The following CRYZL1 variants were observed in gnomAD, a reference collection of about 807,000 sequenced individuals.
CRYZL1 encodes crystallin zeta like 1.
CRYZL1 carries 34 observed loss-of-function variants against 50.6 expected under a neutral mutation model. The ratio of observed to expected loss-of-function variants is 0.67; its 90% CI spans 0.51 to 0.89. The LOEUF (loss-of-function observed/expected upper bound fraction) is 0.89. CRYZL1 is among the 40% of genes least tolerant of loss of function. CRYZL1 has a pLI of 0.00. For missense variants in CRYZL1, 354 were observed against 402.3 expected, an observed-to-expected ratio of 0.88 and a Z score of 1.03; for synonymous variants, 125 against 134.3, an observed-to-expected ratio of 0.93 and a Z score of 0.48.
chr21:33,611,861 C>A (rs1021027199), intron 6 of CRYZL1, among the ~76,000 whole-genome samples: 3 of 152,152 alleles, frequency 2.0e-5, no homozygotes, highest in Non-Finnish European at 4.4e-5. Context: ...TAATTTTGTA[C>A]ATTTTTGAAC....
rs1386298237 is a variant in CRYZL1, at chr21:33,603,376, G to A, written c.465+28C>T. 8.1e-6 allele frequency: 13 copies of A among 1,610,654 alleles called. No individual in the cohort carries two copies. In the East Asian group the frequency reaches 2.9e-4, roughly 36 times the overall value. On this transcript the variant is annotated intron_variant, in intron 7 of 12. Transcript: ENST00000381554. ...TCCTAAGTTTACTGTATGCTTGTCT[G>A]TTTCTTAACAAAACCATTAGCACCT...
chr21:33,614,580 CT>C (rs542483764), intron 5 of CRYZL1, among the ~76,000 whole-genome samples: 1 of 151,668 alleles, frequency 6.6e-6, no homozygotes, highest in Non-Finnish European at 1.5e-5. Flanking sequence ...TGTTTCAATT[CT>C]TTTTTTTTGA....
At chr21:33,616,084 C>CG (rs1013549987) in intron 5 of CRYZL1, among the ~76,000 whole-genome samples, 1 of 151,930 alleles carries the variant, frequency 6.6e-6, no homozygotes, top group African/African-American at 2.4e-5. Flanking sequence ...CTCCCCCCCC[C>CG]AACCCCACCA....
At chr21:33,625,153 T>G (rs2087046013) in intron 2 of CRYZL1, among the ~76,000 whole-genome samples, 1 of 151,968 alleles carries the variant, frequency 6.6e-6, no homozygotes, top group African/African-American at 2.4e-5. Context: ...GTATAACCTT[T>G]ACTGATTTTT....
chr21:33,630,589 T>TAA (rs533376675), intron 2 of CRYZL1, among the ~76,000 whole-genome samples: 1 of 134,402 alleles, frequency 7.4e-6, no homozygotes. Context: ...CTGTCGCAAT[T>TAA]AAAAAAAAAA....
At chr21:33,593,982 CAAAAAAAA>C (rs1167158360) in intron 11 of CRYZL1, among the ~76,000 whole-genome samples, 2 of 48,906 alleles carry the variant, frequency 4.1e-5, no homozygotes, top group South Asian at 1.1e-3. Context: ...GACTCTGTCT[CAAAAAAAA>C]AAAAAAAAAA....
Position 33,597,393 on chromosome 21 carries a change from A to G in CRYZL1, c.685T>C (p.Tyr229His). Reference sequence around the variant, plus strand: ...ACAGCTGGTTCATCATCTTTACTATATAATCTCACTTGCAAGGGAATAGTT... The same window carrying G: ...ACAGCTGGTTCATCATCTTTACTATGTAATCTCACTTGCAAGGGAATAGTT... ...DIVLDAGVRL[Y>H]SKDDEPAVKL... The change falls in exon 10 of 13, where the codon TAT becomes CAT. Residue 229 changes from tyrosine (Y) to histidine (H), a missense_variant. Tyr to His is a moderately conservative substitution (Grantham distance 83). Coordinates refer to ENST00000381554, the MANE Select transcript of CRYZL1 (RefSeq NM_145858.3). 1 of 1,578,210 alleles carries G rather than the reference A, an allele frequency of 6.3e-7. No homozygotes were observed. Among genetic ancestry groups the G allele is most frequent in the Non-Finnish European group, 8.7e-7 (1 of 1,147,840 alleles).
intron 1 of CRYZL1, among the ~76,000 whole-genome samples, chr21:33,636,953 C>A (rs2145966156): frequency 6.6e-6 from 1 of 152,268 alleles, no homozygotes; most frequent in South Asian, 2.1e-4. Flanking sequence ...ACTACAGGCG[C>A]CCGCCACTGC....
At chr21:33,640,941 T>C (rs2087298410) in intron 1 of CRYZL1, among the ~76,000 whole-genome samples, 1 of 152,260 alleles carries the variant, frequency 6.6e-6, no homozygotes, top group African/African-American at 2.4e-5. Flanking sequence ...AATGATAATG[T>C]CTCAGATATA....
intron 1 of CRYZL1, among the ~76,000 whole-genome samples, chr21:33,636,010 CA>C: frequency 6.6e-6 from 1 of 151,936 alleles, no homozygotes; most frequent in East Asian, 1.9e-4. Context: ...ATAAATAAAA[CA>C]AAATATATAA....
At chr21:33,637,302 G>A (rs566643040) in intron 1 of CRYZL1, among the ~76,000 whole-genome samples, 8 of 151,930 alleles carry the variant, frequency 5.3e-5, no homozygotes, top group East Asian at 2.0e-4. Flanking sequence ...AAAATTAGCC[G>A]GGCGTGGTGG....
At chr21:33,613,660 TGA>T (rs1231281408) in intron 5 of CRYZL1, 54 bp from the exon 6 acceptor site, 1 of 1,211,364 alleles carries the variant, frequency 8.3e-7, no homozygotes, top group Admixed American at 1.7e-5. Context: ...TCATTCCTAA[TGA>T]GAGGCCAGTA....
Position 33,602,038 on chromosome 21 carries a change from C to T in CRYZL1, c.577+196G>A, listed in dbSNP as rs948210311. On this transcript the variant is annotated intron_variant, in intron 8 of 12. Transcript: ENST00000381554. ...TAAGATTATATATAGATGAGGTCTT[C>T]TATGTTGCTCAGGCTGGTCTCAAAC... 2.1e-5 allele frequency among the ~76,000 whole-genome samples: 3 copies of T among 143,336 alleles called. No homozygotes were observed. The South Asian group carries it at 6.5e-4, about 31-fold the overall frequency. 94.0% of individuals were successfully genotyped at this position (143,336 alleles called of 152,430 possible).
chr21:33,636,302 C>T (rs1309088297), intron 1 of CRYZL1, among the ~76,000 whole-genome samples: 2 of 151,890 alleles, frequency 1.3e-5, no homozygotes, highest in African/African-American at 4.8e-5. Flanking sequence ...GCATTGGAGG[C>T]TGCTTTGAGC....
intron 6 of CRYZL1, among the ~76,000 whole-genome samples, chr21:33,610,742 T>TTTTTTTTC (rs2086863944): frequency 7.2e-6 from 1 of 138,536 alleles, no homozygotes. Flanking sequence ...TTTTTTTTTT[T>TTTTTTTTC]TTTTTTTTTG....
At chr21:33,618,157 T>C (rs1382597837) in intron 4 of CRYZL1, among the ~76,000 whole-genome samples, 1 of 151,602 alleles carries the variant, frequency 6.6e-6, no homozygotes, top group Non-Finnish European at 1.5e-5. Context: ...GGCGTGGTGG[T>C]GGGTGCCTAT....
intron 1 of CRYZL1, among the ~76,000 whole-genome samples, chr21:33,637,338 G>A (rs543654350): frequency 2.0e-5 from 3 of 151,626 alleles, no homozygotes; most frequent in African/African-American, 7.3e-5. Context: ...CCAGCTACTT[G>A]GGAGGCTGAG....
At chr21:33,621,368 T>G (rs1481396614) in intron 4 of CRYZL1, among the ~76,000 whole-genome samples, 5 of 148,528 alleles carry the variant, frequency 3.4e-5, no homozygotes, top group Non-Finnish European at 7.4e-5. Context: ...TGAGACAGAG[T>G]CTCGCACTTG....
chr21:33,621,958 T>C (rs749050481), intron 4 of CRYZL1, 38 bp downstream of exon 4: 11 of 1,429,148 alleles, frequency 7.7e-6, no homozygotes, highest in East Asian at 2.3e-5. Context: ...TCTTTTACCT[T>C]AGAAAATAAA....
Sources: allele counts gnomAD v4.1 joint callset (sites outside exome capture counted in the v4.1 genomes callset), GRCh38; gene constraint gnomAD v4.1.1; transcripts MANE v1.5; gene names NCBI Gene and HGNC (gene_info 2026-07-23, HGNC 2026-07-21).